BSN: variants seen among roughly 807,000 people sequenced by gnomAD.
BSN encodes bassoon presynaptic cytomatrix protein.
Under a neutral mutation model 264.8 loss-of-function variants are expected in BSN, and 57 were observed. The observed-to-expected ratio is 0.22, with a 90% CI of 0.17 to 0.27. The LOEUF (loss-of-function observed/expected upper bound fraction) is 0.27. Among genes scored for constraint, BSN ranks in the 10% least tolerant of loss-of-function variants. The pLI, the probability that BSN is intolerant of heterozygous loss-of-function variation, is 1.00. For missense variants in BSN, 4,615 were observed against 5,232.5 expected (o/e 0.88, Z 3.64); for synonymous variants, 2,059 against 2,137.3 (o/e 0.96, Z 1.01).
In BSN at chr3:49,606,326, T is replaced by A. The variant is rs115933445; in HGVS notation, c.225-18649T>A. On this transcript the variant is annotated intron_variant, in intron 1 of 11. Coordinates refer to ENST00000296452, the MANE Select transcript of BSN (RefSeq NM_003458.4). ...AAATATATATAATATATATTAAAAA[T>A]ATATATATATTTTTGGCATGACTCT... is the stretch of plus-strand genomic sequence containing the variant. Among the ~76,000 whole-genome samples the A allele has an allele frequency of 3.0e-3, 139 of 46,688 alleles. 1 individual carries two copies. The highest frequency in any genetic ancestry group is 7.1e-3 in the African/African-American group (127 of 17,984). The allele number at this position is 46,688 out of a possible 152,430, so 30.6% of individuals were successfully genotyped here.
chr3:49,601,570 G>C (rs1334328282), intron 1 of BSN, among the ~76,000 whole-genome samples: 1 of 152,168 alleles, frequency 6.6e-6, no homozygotes, highest in Non-Finnish European at 1.5e-5. Context: ...GTGAAGCCAA[G>C]TCTGGCAAAT....
At position 49,597,438 on chromosome 3, in the gene BSN, C is replaced by G. The variant is rs77430720; in HGVS notation, c.225-27537C>G. 2.7e-3 allele frequency among the ~76,000 whole-genome samples: 414 copies of G among 152,204 alleles called. 3 individuals carry two copies. The highest frequency in any genetic ancestry group is 9.2e-3 in the African/African-American group (384 of 41,524). ...GCTCAAGCAATTCTCCTTCATCAGC[C>G]CCCTCTCCCCACCTGCCAGTAGCTG... On this transcript the variant is annotated intron_variant, in intron 1 of 11. Transcript: ENST00000296452.
intron 1 of BSN, among the ~76,000 whole-genome samples, chr3:49,605,183 C>T (rs2052102810): frequency 7.0e-6 from 1 of 143,364 alleles, no homozygotes; most frequent in Non-Finnish European, 1.5e-5. Context: ...TTGCTTGAAC[C>T]TGGGAGGTGG....
chr3:49,642,741 C>T lies in BSN; in HGVS notation c.1107C>T (p.Pro369=), dbSNP rs763169065. The T allele has an allele frequency of 2.5e-5, 41 of 1,613,378 alleles. No individual in the cohort carries two copies. Among genetic ancestry groups the T allele is most frequent in the East Asian group, 1.6e-4 (7 of 44,900 alleles). Reference sequence around the variant, plus strand: ...CGAGCACCCTCATGTCTGTGCAGCCCGAGGCTGACACCCAGGGCCAGCCTG... The same window carrying T: ...CGAGCACCCTCATGTCTGTGCAGCCTGAGGCTGACACCCAGGGCCAGCCTG... The part of the protein sequence containing the change: ...TQASTLMSVQ[P]EADTQGQPAP... The change falls in exon 3 of 12, where the codon CCC becomes CCT. Residue 369 remains proline (P), a synonymous_variant. Coordinates refer to ENST00000296452, the MANE Select transcript of BSN (RefSeq NM_003458.4). This position sits in a 1 kb window ranked among gnomAD's most constrained non-coding sequence, Gnocchi z 7.0.
At chr3:49,622,354 G>C (rs866611959) in intron 1 of BSN, among the ~76,000 whole-genome samples, 2 of 152,348 alleles carry the variant, frequency 1.3e-5, no homozygotes, top group South Asian at 2.1e-4. Flanking sequence ...TGGCTACCAT[G>C]AGGTGTGTGG....
At position 49,654,754 on chromosome 3, in the gene BSN, G is replaced by A. The variant is rs939550754; in HGVS notation, c.5198G>A (p.Ser1733Asn). ...HTFLATATTV[S>N]ITMASSVFMA... is the part of the protein sequence containing the mutation. ...TTCCTTGCTACTGCCACCACCGTGA[G>A]CATCACCATGGCCTCGTCTGTGTTC... Residue 1733 changes from serine (S) to asparagine (N), a missense_variant, in exon 5 of 12, where the codon AGC becomes AAC. This residue lies in a region of BSN where 3,415 missense variants were observed against 3,866.4 expected (regional missense o/e 0.88). Coordinates refer to ENST00000296452, the MANE Select transcript of BSN (RefSeq NM_003458.4). This position sits in a 1 kb window ranked among gnomAD's most constrained non-coding sequence, Gnocchi z 4.1. The A allele has an allele frequency of 6.8e-6, 11 of 1,613,606 alleles. No individual in the cohort carries two copies. Among genetic ancestry groups the A allele is most frequent in the Non-Finnish European group, 9.3e-6 (11 of 1,180,026 alleles).
At chr3:49,596,090 A>G (rs188825722) in intron 1 of BSN, among the ~76,000 whole-genome samples, 2 of 152,292 alleles carry the variant, frequency 1.3e-5, no homozygotes, top group East Asian at 3.9e-4. Context: ...TGGGGAAAGC[A>G]TTCAGTTTTT....
At position 49,554,693 on chromosome 3, in the gene BSN, C is replaced by G. The variant is rs940902724; in HGVS notation, c.91C>G (p.Pro31Ala). ...CCCCGGCCCGGGCCCCGGCCCCGGC[C>G]CCGGCGCAGGAAAGCCGCCTTCAGC... ...AGPGPGPGPG[P>A]GAGKPPSAPA... The change falls in exon 1 of 12, where the codon CCC becomes GCC. Residue 31 changes from proline (P) to alanine (A), a missense_variant. Physicochemically the swap from Pro to Ala is conservative, Grantham distance 27. Coordinates refer to ENST00000296452, the MANE Select transcript of BSN (RefSeq NM_003458.4). The G allele has an allele frequency of 1.8e-6, 2 of 1,109,438 alleles. No individual in the cohort carries two copies. The highest frequency in any genetic ancestry group is 4.8e-5 in the Admixed American group (1 of 20,968). 68.7% of individuals were successfully genotyped at this position (1,109,438 alleles called of 1,614,324 possible).
intron 1 of BSN, among the ~76,000 whole-genome samples, chr3:49,613,303 C>CGAGCGAGCGAGAGAGAGAGAGAGA: frequency 2.1e-5 from 1 of 47,346 alleles, no homozygotes; most frequent in African/African-American, 7.0e-5. Context: ...ACACACAGAG[C>CGAGCGAGCGAGAGAGAGAGAGAGA]GAGAGAGAGA....
chr3:49,641,696 C>T (rs898598951), intron 2 of BSN: 27 of 152,236 alleles, frequency 1.8e-4, no homozygotes, highest in African/African-American at 6.5e-4. Context: ...CAGCTAGACT[C>T]TAAGCTTCTT....
chr3:49,661,394 A>G lies in BSN; in HGVS notation c.9549A>G (p.Pro3183=), dbSNP rs763634504. The G allele has an allele frequency of 6.2e-7, 1 of 1,613,944 alleles. No individual in the cohort carries two copies. The highest frequency in any genetic ancestry group is 8.5e-7 in the Non-Finnish European group (1 of 1,180,026). ...CATCTGAAACCAGCTACAGTGGCCC[A>G]GCAGTGAGCAGCGGCTATGAGCAGG... The part of the protein sequence containing the change: ...SAPSETSYSG[P]AVSSGYEQGK... The change falls in exon 6 of 12, where the codon CCA becomes CCG. Residue 3183 remains proline (P), a synonymous_variant. Coordinates refer to ENST00000296452, the MANE Select transcript of BSN (RefSeq NM_003458.4).
In BSN at chr3:49,643,268, T is replaced by C. The variant is rs1490348725; in HGVS notation, c.1518+116T>C. Reference sequence around the variant, plus strand: ...TCTGCAGCAGCCATGGGGCTGCTCCTGTACAACTAATGCTGCAGAGGGGCT... The same window carrying C: ...TCTGCAGCAGCCATGGGGCTGCTCCCGTACAACTAATGCTGCAGAGGGGCT... On this transcript the variant is annotated intron_variant, in intron 3 of 11. Coordinates refer to ENST00000296452, the MANE Select transcript of BSN (RefSeq NM_003458.4). The C allele has an allele frequency of 4.1e-6, 6 of 1,446,120 alleles. No homozygotes were observed. The African/African-American group carries it at 7.1e-5, about 17-fold the overall frequency. The allele number at this position is 1,446,120 out of a possible 1,614,324, so 89.6% of individuals were successfully genotyped here.
chr3:49,582,100 A>G (rs987736301), intron 1 of BSN, among the ~76,000 whole-genome samples: 1 of 152,122 alleles, frequency 6.6e-6, no homozygotes, highest in Non-Finnish European at 1.5e-5. Context: ...ACCGTTTTAC[A>G]TTTCCACCAT....
At chr3:49,643,371 GC>G (rs2052481930) in intron 3 of BSN, among the ~76,000 whole-genome samples, 2 of 152,350 alleles carry the variant, frequency 1.3e-5, no homozygotes, top group South Asian at 4.1e-4. Context: ...GGGTAATGGT[GC>G]CTACTGACTC....
At chr3:49,673,008 T>C (rs528958557), downstream of BSN, among the ~76,000 whole-genome samples, 1 of 139,998 alleles carries the variant, frequency 7.1e-6, no homozygotes, top group Non-Finnish European at 1.5e-5. Flanking sequence ...CTCGATCTCC[T>C]GACCTCGTGA....
At chr3:49,619,203 G>A (rs887547702) in intron 1 of BSN, among the ~76,000 whole-genome samples, 1 of 152,234 alleles carries the variant, frequency 6.6e-6, no homozygotes, top group African/African-American at 2.4e-5. Context: ...CCCTAGCCCA[G>A]CCCCACTCTG....
In BSN at chr3:49,642,398, A is replaced by G. The variant is rs749383999; in HGVS notation, c.764A>G (p.Lys255Arg). ...CTGTCTCCTGCCCACTCCCCGGCCAAACAGCCCCTGGGGAAGCCAGACCAA... is the reference window on the plus strand; with the variant it reads ...CTGTCTCCTGCCCACTCCCCGGCCAGACAGCCCCTGGGGAAGCCAGACCAA... ...PALSPAHSPA[K>R]QPLGKPDQER... Residue 255 changes from lysine to arginine, a missense_variant, in exon 3 of 12, where the codon AAA becomes AGA. Coordinates refer to ENST00000296452, the MANE Select transcript of BSN (RefSeq NM_003458.4). This position sits in a 1 kb window ranked among gnomAD's most constrained non-coding sequence, Gnocchi z 7.0. The G allele has an allele frequency of 2.5e-6, 4 of 1,601,564 alleles. No individual in the cohort carries two copies. Among genetic ancestry groups the G allele is most frequent in the Admixed American group, 3.4e-5 (2 of 58,020 alleles).
intron 1 of BSN, among the ~76,000 whole-genome samples, chr3:49,558,120 AG>A (rs2051688119): frequency 6.6e-6 from 1 of 152,206 alleles, no homozygotes; most frequent in African/African-American, 2.4e-5. Flanking sequence ...CAGTGCTTAC[AG>A]GGTTGTTAAT....
At chr3:49,631,261 G>A (rs2052382363) in intron 2 of BSN, among the ~76,000 whole-genome samples, 1 of 151,898 alleles carries the variant, frequency 6.6e-6, no homozygotes, top group Admixed American at 6.6e-5. Context: ...GCTGAGACAA[G>A]ATTCCTGGGG....
Sources: gnomAD v4.1 joint callset for allele counts (sites outside exome capture counted in the v4.1 genomes callset) on GRCh38, gnomAD v4.1.1 for gene constraint, gnomAD v4.1.1 regional missense constraint, Gnocchi (gnomAD v3.1) non-coding constraint, MANE v1.5 for transcripts, NCBI Gene and HGNC (gene_info 2026-07-23, HGNC 2026-07-21) for gene names.